The following FGGY variants were observed in gnomAD, a reference collection of about 807,000 sequenced individuals.
The protein encoded by FGGY is FGGY carbohydrate kinase domain-containing protein.
Under a neutral mutation model 71.3 loss-of-function variants are expected in FGGY, and 72 were observed. The observed-to-expected ratio is 1.01, with a 90% CI of 0.84 to 1.23. The LOEUF (loss-of-function observed/expected upper bound fraction) is 1.23, where lower values mean the gene tolerates loss of function less well. FGGY is among the 50% of genes most tolerant of loss of function. FGGY has a pLI of 0.00. For missense variants in FGGY, 668 were observed against 682.3 expected (o/e 0.98, Z 0.23); for synonymous variants, 251 against 250.3 (o/e 1.00, Z -0.02).
intron 14 of FGGY, among the ~76,000 whole-genome samples, chr1:59,749,919 A>C (rs78349259): frequency 1.1e-3 from 164 of 152,324 alleles, no homozygotes; most frequent in African/African-American, 3.8e-3. Context: ...TCTGTATTTT[A>C]ATCACTGCCC....
At chr1:59,628,877 G>T (rs1217965736) in intron 10 of FGGY, among the ~76,000 whole-genome samples, 1 of 152,078 alleles carries the variant, frequency 6.6e-6, no homozygotes, top group Non-Finnish European at 1.5e-5. Context: ...CTTAACCTCT[G>T]TGCCTTAGTA....
intron 13 of FGGY, among the ~76,000 whole-genome samples, chr1:59,672,947 C>T (rs2097395778): frequency 6.6e-6 from 1 of 152,176 alleles, no homozygotes; most frequent in Admixed American, 6.5e-5. Flanking sequence ...GAGGGCTCCT[C>T]CCTGCCTGGT....
chr1:59,589,117 A>C (rs1277953969), intron 8 of FGGY, among the ~76,000 whole-genome samples: 1 of 152,170 alleles, frequency 6.6e-6, no homozygotes, highest in Non-Finnish European at 1.5e-5. Flanking sequence ...AATGGAAAAC[A>C]AAAAAAGGCA....
chr1:59,570,286 C>T (rs1028262065), intron 8 of FGGY, among the ~76,000 whole-genome samples: 5 of 152,076 alleles, frequency 3.3e-5, no homozygotes, highest in African/African-American at 1.2e-4. Flanking sequence ...TCATTGTTTC[C>T]GTAGTGCCTA....
At position 59,583,877 on chromosome 1, in the gene FGGY, C is replaced by T. The variant is rs543416934; in HGVS notation, c.904-23926C>T. ...CTGTTTTGAATGAGAGAGAGATGAC[C>T]GTGCAGGGTGGAAGCAGGTCTGATG... On this transcript the variant is annotated intron_variant, in intron 8 of 15. Transcript: ENST00000303721. Among the ~76,000 whole-genome samples, 83 of 137,526 alleles carry T rather than the reference C, an allele frequency of 6.0e-4. 22 individuals carry two copies. The South Asian group carries it at 0.024, about 39-fold the overall frequency. 90.2% of individuals were successfully genotyped at this position (137,526 alleles called of 152,430 possible).
At chr1:59,332,985 T>A (rs1054564596) in intron 2 of FGGY, among the ~76,000 whole-genome samples, 5 of 152,222 alleles carry the variant, frequency 3.3e-5, no homozygotes, top group African/African-American at 1.2e-4. Context: ...CAGACTCCAC[T>A]GATCCCATTC....
chr1:59,414,613 A>G (rs2064084725), intron 5 of FGGY, among the ~76,000 whole-genome samples: 1 of 152,134 alleles, frequency 6.6e-6, no homozygotes. Context: ...ATCCGAGAAG[A>G]GTGGACAAGT....
chr1:59,598,073 C>T (rs2096541268), intron 8 of FGGY, among the ~76,000 whole-genome samples: 1 of 152,198 alleles, frequency 6.6e-6, no homozygotes, highest in South Asian at 2.1e-4. Context: ...ACTCCTCCTC[C>T]CTTGCGTGAT....
chr1:59,521,221 T>C (rs1014358742), intron 7 of FGGY, among the ~76,000 whole-genome samples: 6 of 152,152 alleles, frequency 3.9e-5, no homozygotes, highest in African/African-American at 1.4e-4. Context: ...TTCGGTTTAA[T>C]GCGACCCACT....
intron 14 of FGGY, among the ~76,000 whole-genome samples, chr1:59,708,553 C>G (rs1435640472): frequency 2.6e-5 from 4 of 152,142 alleles, no homozygotes; most frequent in Non-Finnish European, 5.9e-5. Flanking sequence ...AATTGATCAC[C>G]TGATACATGC....
At chr1:59,469,438 C>T (rs1322179865) in intron 6 of FGGY, among the ~76,000 whole-genome samples, 3 of 152,158 alleles carry the variant, frequency 2.0e-5, no homozygotes, top group African/African-American at 7.2e-5. Context: ...TTGGCTTTAT[C>T]AGAAGTGCCT....
chr1:59,314,021 C>T (rs78449770), intron 1 of FGGY, among the ~76,000 whole-genome samples: 4,587 of 151,372 alleles, frequency 0.03, 239 homozygotes, highest in African/African-American at 0.11. Context: ...GGCTAGAGTG[C>T]GGTAGCGCAA....
At chr1:59,680,819 C>T (rs1441742023) in intron 14 of FGGY, 1 of 152,118 alleles carries the variant, frequency 6.6e-6, no homozygotes, top group Admixed American at 6.6e-5. Context: ...TTGTTTAATA[C>T]AAAGCCCACG....
intron 5 of FGGY, among the ~76,000 whole-genome samples, chr1:59,422,099 C>T (rs75801849): frequency 0.015 from 2,315 of 152,250 alleles, 41 homozygotes; most frequent in Admixed American, 0.034. Flanking sequence ...TCATTGATGG[C>T]AAGAATCACC....
intron 5 of FGGY, among the ~76,000 whole-genome samples, chr1:59,425,444 T>C (rs186737298): frequency 6.6e-6 from 1 of 152,266 alleles, no homozygotes; most frequent in East Asian, 1.9e-4. Context: ...CCCTTCCCAT[T>C]ACACTTGTGA....
chr1:59,296,874 T>G (rs367843520), upstream of FGGY: 2 of 152,380 alleles, frequency 1.3e-5, no homozygotes, highest in African/African-American at 4.8e-5. Flanking sequence ...AGAATCCGTC[T>G]AGCTAAAATG....
intron 7 of FGGY, among the ~76,000 whole-genome samples, chr1:59,548,651 A>G (rs532327311): frequency 1.3e-5 from 2 of 152,354 alleles, no homozygotes; most frequent in South Asian, 2.1e-4. Flanking sequence ...GTTCAATATA[A>G]TATCCACTAG....
intron 4 of FGGY, among the ~76,000 whole-genome samples, chr1:59,352,922 A>G (rs1319493513): frequency 6.6e-6 from 1 of 152,234 alleles, no homozygotes; most frequent in African/African-American, 2.4e-5. Context: ...ATTTAAATAG[A>G]TGGCAGTATG....
chr1:59,382,375 G>A (rs1055525281), intron 5 of FGGY, among the ~76,000 whole-genome samples: 21 of 152,138 alleles, frequency 1.4e-4, no homozygotes, highest in African/African-American at 3.6e-4. Flanking sequence ...ACCTCCTTGC[G>A]GTGAAACAAT....
Sources: gnomAD v4.1 joint callset for allele counts (sites outside exome capture counted in the v4.1 genomes callset) on GRCh38, gnomAD v4.1.1 for gene constraint, MANE v1.5 for transcripts, NCBI Gene and HGNC (gene_info 2026-07-23, HGNC 2026-07-21) for gene names.